Variants in MYOF observed in about 807,000 individuals in gnomAD.
MYOF encodes myoferlin.
MYOF carries 244 observed loss-of-function variants against 284.2 expected under a neutral mutation model. The observed-to-expected ratio is 0.86, with a 90% CI of 0.77 to 0.95. The LOEUF (loss-of-function observed/expected upper bound fraction) is 0.95, where lower values mean the gene tolerates loss of function less well. Ranked by LOEUF, MYOF falls within the 40% of genes least tolerant of loss-of-function variation. The probability of loss-of-function intolerance (pLI) is 0.00; values close to 1 mark genes in which losing one functional copy is unlikely to be tolerated. For synonymous variants in MYOF, 904 were observed against 919.7 expected (o/e 0.98, Z 0.31); for missense variants, 2,496 against 2,560.6 (o/e 0.97, Z 0.54).
At chr10:93,436,338 G>T (rs142472445) in intron 3 of MYOF, among the ~76,000 whole-genome samples, 144 of 152,296 alleles carry the variant, frequency 9.5e-4, no homozygotes, top group Non-Finnish European at 1.8e-3. Context: ...TAAAATAACA[G>T]AAACCAATTA....
At chr10:93,383,523 C>A (rs374412182) in intron 19 of MYOF, among the ~76,000 whole-genome samples, 10 of 152,104 alleles carry the variant, frequency 6.6e-5, no homozygotes, top group Non-Finnish European at 1.5e-4. Flanking sequence ...TGGGGGTGCA[C>A]GCTACTTGTC....
At position 93,426,060 on chromosome 10, in the gene MYOF, G is replaced by A. The variant is rs1848577307; in HGVS notation, c.433+11C>T. ...CTGGGGGTGGCTGGGCCTTCAGAAGGGTCAGCTTACCTCCCATGCCTGGCA... is the reference window on the plus strand; with the variant it reads ...CTGGGGGTGGCTGGGCCTTCAGAAGAGTCAGCTTACCTCCCATGCCTGGCA... On this transcript the variant is annotated intron_variant, in intron 5 of 53. Transcript: ENST00000359263. The A allele has an allele frequency of 2.6e-6, 4 of 1,551,630 alleles. No individual in the cohort carries two copies. The highest frequency in any genetic ancestry group is 3.5e-6 in the Non-Finnish European group (4 of 1,147,564).
At position 93,401,473 on chromosome 10, in the gene MYOF, G is replaced by A. The variant is rs1178421182; in HGVS notation, c.1062C>T (p.Ala354=). The part of the protein sequence containing the change: ...ESNLLLPAGI[A]LRWVTFLLKI... ...TCAGCAAGAAGGTCACCCACCGGAG[G>A]GCAATGCCAGCAGGGAGTAACAAAT... The change falls in exon 12 of 54, where the codon GCC becomes GCT. Residue 354 remains alanine, a synonymous_variant. Coordinates refer to ENST00000359263, the MANE Select transcript of MYOF (RefSeq NM_013451.4). 1 of 1,614,114 alleles carries A rather than the reference G, an allele frequency of 6.2e-7. No homozygotes were observed. Among genetic ancestry groups the A allele is most frequent in the Non-Finnish European group, 8.5e-7 (1 of 1,180,022 alleles).
intron 53 of MYOF, among the ~76,000 whole-genome samples, chr10:93,308,903 G>T (rs1031847500): frequency 1.3e-5 from 2 of 152,084 alleles, no homozygotes; most frequent in African/African-American, 4.8e-5. Flanking sequence ...GTAGAGACGG[G>T]GTTTCGCTAT....
At chr10:93,382,510 C>T (rs1846173333) in intron 19 of MYOF, among the ~76,000 whole-genome samples, 1 of 152,130 alleles carries the variant, frequency 6.6e-6, no homozygotes, top group Non-Finnish European at 1.5e-5. Context: ...ATTAAACCTT[C>T]CTTTTTCTTT....
chr10:93,333,688 A>C (rs1564626128), intron 42 of MYOF, 70 bp downstream of exon 42: 3 of 1,568,786 alleles, frequency 1.9e-6, no homozygotes, highest in African/African-American at 2.7e-5. Context: ...AAGAAAGAAC[A>C]TGACAATTAT....
chr10:93,343,823 T>G, intron 38 of MYOF, 33 bp downstream of exon 38: 1 of 1,607,790 alleles, frequency 6.2e-7, no homozygotes, highest in Non-Finnish European at 8.5e-7. Flanking sequence ...AAGATAAAAC[T>G]GACAGCATCC....
intron 4 of MYOF, among the ~76,000 whole-genome samples, chr10:93,426,776 C>G (rs932437016): frequency 6.6e-6 from 1 of 152,012 alleles, no homozygotes; most frequent in South Asian, 2.1e-4. Context: ...GTAATCCCAG[C>G]TACTCAGAGG....
chr10:93,320,191 A>G lies in MYOF; in HGVS notation c.5457-178T>C, dbSNP rs148939696. On this transcript the variant is annotated intron_variant, in intron 48 of 53. Coordinates refer to ENST00000359263, the MANE Select transcript of MYOF (RefSeq NM_013451.4). ...GGAGGGGAGGTGCTCTATTGCATCC[A>G]ACACAGGTTGTGGCCAAATAAAATA... 2.1e-3 allele frequency among the ~76,000 whole-genome samples: 314 copies of G among 152,336 alleles called. 2 individuals are homozygous for G. The highest frequency in any genetic ancestry group is 7.2e-3 in the African/African-American group (300 of 41,588).
At chr10:93,351,883 C>T (rs760282239) in intron 32 of MYOF, 37 bp from the exon 33 acceptor site, 8 of 1,546,056 alleles carry the variant, frequency 5.2e-6, no homozygotes, top group Non-Finnish European at 6.1e-6. Flanking sequence ...GGGGCCACGG[C>T]TAAAATCTAA....
chr10:93,402,685 T>C (rs995952881), intron 10 of MYOF, among the ~76,000 whole-genome samples, 175 bp downstream of exon 10: 2 of 152,242 alleles, frequency 1.3e-5, no homozygotes, highest in African/African-American at 4.8e-5. Flanking sequence ...TAAGCTACTG[T>C]TATTTATTCC....
intron 2 of MYOF, among the ~76,000 whole-genome samples, chr10:93,454,367 C>A (rs2056680842): frequency 6.6e-6 from 1 of 152,114 alleles, no homozygotes. Flanking sequence ...TGATTCCCTG[C>A]AGAGGACATG....
chr10:93,381,746 TA>T (rs527741023), intron 19 of MYOF, among the ~76,000 whole-genome samples: 38 of 152,254 alleles, frequency 2.5e-4, no homozygotes, highest in Admixed American at 2.2e-3. Context: ...AAAAAGAGTA[TA>T]TTTTTTGGGC....
At chr10:93,405,312 A>C (rs1444673177) in intron 7 of MYOF, among the ~76,000 whole-genome samples, 1 of 152,234 alleles carries the variant, frequency 6.6e-6, no homozygotes, top group African/African-American at 2.4e-5. Flanking sequence ...CCTACAAAAA[A>C]ACTTTAGCTT....
At chr10:93,380,813 C>A (rs1014473591) in intron 20 of MYOF, among the ~76,000 whole-genome samples, 2 of 152,166 alleles carry the variant, frequency 1.3e-5, no homozygotes, top group African/African-American at 4.8e-5. Flanking sequence ...AGAGTGAAGA[C>A]CAGAAGCATG....
intron 12 of MYOF, among the ~76,000 whole-genome samples, chr10:93,400,324 TTCTTC>T (rs751828048): frequency 1.8e-4 from 13 of 72,032 alleles, no homozygotes; most frequent in South Asian, 5.3e-4. Flanking sequence ...CTTCTTCTTC[TTCTTC>T]TTTTTTTTTT....
intron 1 of MYOF, among the ~76,000 whole-genome samples, chr10:93,459,692 G>A (rs1245517923): frequency 6.6e-6 from 1 of 152,190 alleles, no homozygotes; most frequent in Non-Finnish European, 1.5e-5. Context: ...TGTCCATAAG[G>A]AAGTTTATGG....
chr10:93,408,909 C>T lies in MYOF; in HGVS notation c.607G>A (p.Val203Ile), dbSNP rs199781171. 189 of 1,614,172 alleles carry T rather than the reference C, an allele frequency of 1.2e-4. No homozygotes were observed. Among genetic ancestry groups the T allele is most frequent in the Middle Eastern group, 1.2e-3 (7 of 6,050 alleles). The change falls in exon 7 of 54, where the codon GTC (valine) becomes ATC (isoleucine). Residue 203 changes from valine to isoleucine, a missense_variant. Physicochemically the swap from Val to Ile is conservative, Grantham distance 29 (BLOSUM62 3). Coordinates refer to ENST00000359263, the MANE Select transcript of MYOF (RefSeq NM_013451.4). Reference protein sequence around the residue: ...SNKPQDFQIRVRVIEGRQLSG... With the variant: ...SNKPQDFQIRIRVIEGRQLSG... ...AACTGTCGGCCCTCAATCACTCGGACGCGGATCTGCAGCACAGAAGGGGGA... is the reference window on the plus strand; with the variant it reads ...AACTGTCGGCCCTCAATCACTCGGATGCGGATCTGCAGCACAGAAGGGGGA...
chr10:93,402,374 A>C (rs1847336405), intron 10 of MYOF, 27 bp from the exon 11 acceptor site: 2 of 1,548,308 alleles, frequency 1.3e-6, no homozygotes, highest in Non-Finnish European at 1.8e-6. Flanking sequence ...GTAAAAGGAA[A>C]TGGACATGCT....
Sources: gnomAD v4.1 joint callset for allele counts (sites outside exome capture counted in the v4.1 genomes callset) on GRCh38, gnomAD v4.1.1 for gene constraint, MANE v1.5 for transcripts, NCBI Gene and HGNC (gene_info 2026-07-23, HGNC 2026-07-21) for gene names.